PLA2G4A: variants seen among roughly 807,000 people sequenced by gnomAD.
The protein encoded by PLA2G4A is cytosolic phospholipase A2.
PLA2G4A carries 40 observed loss-of-function variants against 81.9 expected under a neutral mutation model. The ratio of observed to expected loss-of-function variants is 0.49; its 90% confidence interval spans 0.38 to 0.64. The LOEUF (loss-of-function observed/expected upper bound fraction) is 0.64, where lower values mean the gene tolerates loss of function less well. Among genes scored for constraint, PLA2G4A ranks in the 30% least tolerant of loss-of-function variants. PLA2G4A has a pLI of 0.00. For synonymous variants in PLA2G4A, 302 were observed against 296.9 expected, an observed-to-expected ratio of 1.02 and a Z score of -0.18; for missense variants, 715 against 905.1, an observed-to-expected ratio of 0.79 and a Z score of 2.69.
chr1:186,854,628 A>G (rs943042899), intron 2 of PLA2G4A, among the ~76,000 whole-genome samples: 10 of 151,950 alleles, frequency 6.6e-5, no homozygotes, highest in African/African-American at 2.4e-5. Context: ...CCCAAACACC[A>G]TAATAATAAT....
intron 1 of PLA2G4A, among the ~76,000 whole-genome samples, chr1:186,830,969 T>G (rs58362720): frequency 0.085 from 8,759 of 103,544 alleles, 282 homozygotes; most frequent in African/African-American, 0.12. Context: ...TTTCTTTCTT[T>G]CTTTCTTTCT....
intron 10 of PLA2G4A, among the ~76,000 whole-genome samples, chr1:186,945,120 G>C (rs1656291264): frequency 6.6e-6 from 1 of 152,086 alleles, no homozygotes; most frequent in Non-Finnish European, 1.5e-5. Flanking sequence ...TTTTAAAATG[G>C]ACCATCAGCA....
chr1:186,895,120 C>T (rs573216683), intron 5 of PLA2G4A, among the ~76,000 whole-genome samples: 1 of 152,312 alleles, frequency 6.6e-6, no homozygotes, highest in South Asian at 2.1e-4. Flanking sequence ...CTATGGTATT[C>T]ATTGGGACTA....
chr1:186,859,915 C>A (rs2102038829), intron 2 of PLA2G4A, among the ~76,000 whole-genome samples: 1 of 152,130 alleles, frequency 6.6e-6, no homozygotes, highest in South Asian at 2.1e-4. Context: ...AAAATTATTC[C>A]TTTGAAATAA....
At chr1:186,888,104 G>T (rs7540602) in intron 3 of PLA2G4A, among the ~76,000 whole-genome samples, 35,901 of 151,968 alleles carry the variant, frequency 0.24, 6,456 homozygotes, top group East Asian at 0.5. Flanking sequence ...CTGCCACTCT[G>T]GACATACATT....
chr1:186,830,664 C>T (rs371602056), intron 1 of PLA2G4A, among the ~76,000 whole-genome samples: 2 of 143,756 alleles, frequency 1.4e-5, no homozygotes, highest in East Asian at 4.0e-4. Flanking sequence ...TGCATTTTTG[C>T]ATTTACATTT....
intron 13 of PLA2G4A, among the ~76,000 whole-genome samples, chr1:186,952,791 G>A (rs1376017771): frequency 2.3e-5 from 3 of 128,866 alleles, no homozygotes; most frequent in Non-Finnish European, 4.6e-5. Flanking sequence ...ATGTCATGTA[G>A]TCAGAATCAA....
At chr1:186,875,256 GT>G (rs765896467) in intron 3 of PLA2G4A, among the ~76,000 whole-genome samples, 22 of 151,848 alleles carry the variant, frequency 1.4e-4, no homozygotes, top group Admixed American at 2.6e-4. Context: ...TAAGACTTTT[GT>G]TTTTTGCTGA....
At chr1:186,912,766 G>GTA (rs908817091) in intron 7 of PLA2G4A, among the ~76,000 whole-genome samples, 23 of 100,670 alleles carry the variant, frequency 2.3e-4, no homozygotes, top group Admixed American at 3.8e-4. Context: ...ATATACATAA[G>GTA]TATATATATA....
chr1:186,830,717 A>G (rs1651524086), intron 1 of PLA2G4A, among the ~76,000 whole-genome samples: 1 of 151,922 alleles, frequency 6.6e-6, no homozygotes, highest in Non-Finnish European at 1.5e-5. Flanking sequence ...TTAGCAACTG[A>G]AAATGTTCAT....
At chr1:186,854,259 T>A in intron 1 of PLA2G4A, 27 bp from the exon 2 acceptor site, 1 of 789,326 alleles carries the variant, frequency 1.3e-6, no homozygotes, top group South Asian at 1.4e-5. Flanking sequence ...AGAGGAAGCT[T>A]AACAATAGTG....
chr1:186,921,294 A>G (rs1043141267), intron 7 of PLA2G4A, among the ~76,000 whole-genome samples: 4 of 152,226 alleles, frequency 2.6e-5, no homozygotes, highest in Admixed American at 1.3e-4. Context: ...TTTGCCTTTC[A>G]TCTGTGTTTA....
intron 15 of PLA2G4A, among the ~76,000 whole-genome samples, chr1:186,970,349 T>G (rs1052958674): frequency 2.0e-5 from 3 of 152,148 alleles, no homozygotes; most frequent in African/African-American, 7.2e-5. Context: ...TCTCCCATTC[T>G]GTGGTTCGTC....
At chr1:186,838,556 G>T (rs887365186) in intron 1 of PLA2G4A, among the ~76,000 whole-genome samples, 4 of 152,136 alleles carry the variant, frequency 2.6e-5, no homozygotes, top group Admixed American at 2.6e-4. Flanking sequence ...TCATTACCTA[G>T]CCAGTTGCTA....
At chr1:186,890,880 ATTG>A (rs897760092) in intron 3 of PLA2G4A, among the ~76,000 whole-genome samples, 6 of 151,870 alleles carry the variant, frequency 4.0e-5, no homozygotes, top group African/African-American at 1.2e-4. Context: ...AAAGAAAAAA[ATTG>A]TTGCTTCATA....
rs370896190 is a variant in PLA2G4A, at chr1:186,950,718, C to T, written c.1326C>T (p.His442=). ...NDSSDSDDES[H]EPKGTENEDA... The stretch of plus-strand genomic sequence containing the variant: ...GCTCGGACAGTGATGATGAATCACA[C>T]GAACCCAAAGGTGAGTGAGCCGGAA... Residue 442 remains histidine, a synonymous_variant, in exon 13 of 18, where the codon CAC becomes CAT. Coordinates refer to ENST00000367466, the MANE Select transcript of PLA2G4A (RefSeq NM_024420.3). The T allele has an allele frequency of 5.9e-5, 94 of 1,587,440 alleles. No homozygotes were observed. Among genetic ancestry groups the T allele is most frequent in the Non-Finnish European group, 7.4e-5 (85 of 1,156,164 alleles).
At chr1:186,973,764 T>A (rs1657439035) in intron 15 of PLA2G4A, among the ~76,000 whole-genome samples, 1 of 152,346 alleles carries the variant, frequency 6.6e-6, no homozygotes, top group Non-Finnish European at 1.5e-5. Context: ...AATACTAGCA[T>A]GCCTTTTATT....
At chr1:186,949,405 A>AAAAAAGAG (rs1414680932) in intron 12 of PLA2G4A, among the ~76,000 whole-genome samples, 1 of 438 alleles carries the variant, frequency 2.3e-3, no homozygotes, top group Non-Finnish European at 3.7e-3. Flanking sequence ...AAAAAGAAAG[A>AAAAAAGAG]AGAAAGAAAG....
intron 2 of PLA2G4A, among the ~76,000 whole-genome samples, chr1:186,860,580 TACCC>T (rs1652761969): frequency 3.3e-5 from 5 of 152,254 alleles, no homozygotes; most frequent in Admixed American, 2.6e-4. Flanking sequence ...CGTTTAGAAA[TACCC>T]TCACAGGCAC....
Sources: gnomAD v4.1 joint callset for allele counts (sites outside exome capture counted in the v4.1 genomes callset) on GRCh38, gnomAD v4.1.1 for gene constraint, MANE v1.5 for transcripts, NCBI Gene and HGNC (gene_info 2026-07-23, HGNC 2026-07-21) for gene names.